Variants in EIF4G3 observed in about 807,000 individuals in gnomAD.
EIF4G3 encodes eIF-4-gamma 3.
EIF4G3 carries 34 observed loss-of-function variants against 186.4 expected under a neutral mutation model. That is an observed-to-expected ratio of 0.18 (90% CI 0.14 to 0.24). The LOEUF is 0.24. Ranked by LOEUF, EIF4G3 falls within the 10% of genes least tolerant of loss-of-function variation. The pLI is 1.00. For synonymous variants in EIF4G3, 673 were observed against 679.5 expected, an observed-to-expected ratio of 0.99 and a Z score of 0.15; for missense variants, 1,536 against 1,948.5, an observed-to-expected ratio of 0.79 and a Z score of 3.99.
chr1:21,136,127 G>C (rs949034421), intron 2 of EIF4G3, among the ~76,000 whole-genome samples: 1 of 152,062 alleles, frequency 6.6e-6, no homozygotes, highest in Non-Finnish European at 1.5e-5. Flanking sequence ...AGCTTGCAGT[G>C]AGCCGAGATT....
At chr1:21,120,936 T>C (rs979308687) in intron 2 of EIF4G3, among the ~76,000 whole-genome samples, 3 of 152,222 alleles carry the variant, frequency 2.0e-5, no homozygotes, top group Admixed American at 6.5e-5. Context: ...TGGGGTGTTT[T>C]TGAGACAAGG....
intron 35 of EIF4G3, among the ~76,000 whole-genome samples, chr1:20,811,383 G>C (rs2059214983): frequency 6.6e-6 from 1 of 152,160 alleles, no homozygotes; most frequent in South Asian, 2.1e-4. Flanking sequence ...AAAATGCTGG[G>C]ATTACAGGCA....
intron 12 of EIF4G3, among the ~76,000 whole-genome samples, chr1:20,966,650 T>C (rs542163966): frequency 6.6e-6 from 1 of 152,140 alleles, no homozygotes; most frequent in East Asian, 1.9e-4. Context: ...TTTTTTGTAC[T>C]TTTAGCAGAG....
At chr1:21,126,649 C>T (rs954860347) in intron 2 of EIF4G3, among the ~76,000 whole-genome samples, 3 of 151,530 alleles carry the variant, frequency 2.0e-5, no homozygotes, top group African/African-American at 7.3e-5. Context: ...ACCACAGAAT[C>T]AGACCCTTTA....
intron 18 of EIF4G3, among the ~76,000 whole-genome samples, chr1:20,887,264 A>T (rs1168987938): frequency 6.6e-6 from 1 of 151,732 alleles, no homozygotes; most frequent in Non-Finnish European, 1.5e-5. Flanking sequence ...GCTAGCCATT[A>T]GATTTCAAGA....
At chr1:21,113,428 A>G (rs1169697437) in intron 2 of EIF4G3, among the ~76,000 whole-genome samples, 2 of 152,006 alleles carry the variant, frequency 1.3e-5, no homozygotes, top group African/African-American at 4.8e-5. Flanking sequence ...CTGGTCTTAG[A>G]CCAGGAAAAA....
chr1:20,810,895 T>G lies in EIF4G3; in HGVS notation c.4598-11A>C. The G allele has an allele frequency of 6.2e-7, 1 of 1,606,140 alleles. No individual in the cohort carries two copies. The highest frequency in any genetic ancestry group is 8.5e-7 in the Non-Finnish European group (1 of 1,174,264). ...AGGTAGAAGAGTCGGCTAAAGGTGA[T>G]AGAAGAACTAGGAATTACATTTAAG... is the stretch of plus-strand genomic sequence containing the variant. On this transcript the variant is annotated splice_polypyrimidine_tract_variant and intron_variant, in intron 35 of 36. Coordinates refer to ENST00000602326, the MANE Select transcript of EIF4G3 (RefSeq NM_001391906.1). This position sits in a 1 kb window ranked among gnomAD's most constrained non-coding sequence, Gnocchi z 4.1.
At position 20,862,340 on chromosome 1, in the gene EIF4G3, A is replaced by G. The variant is rs749045320; in HGVS notation, c.3007-8T>C. The G allele has an allele frequency of 3.2e-6, 5 of 1,541,550 alleles. No individual in the cohort carries two copies. Among genetic ancestry groups the G allele is most frequent in the Non-Finnish European group, 3.5e-6 (4 of 1,129,824 alleles). On this transcript the variant is annotated splice_region_variant and splice_polypyrimidine_tract_variant and intron_variant, in intron 22 of 36. Coordinates refer to ENST00000602326, the MANE Select transcript of EIF4G3 (RefSeq NM_001391906.1). ...GTACTGGTCCATACGTGGCTGCAAG[A>G]GACAAAATCATTAGTACTCCTGTCT...
intron 2 of EIF4G3, among the ~76,000 whole-genome samples, chr1:21,126,717 A>C (rs2097053359): frequency 6.6e-6 from 1 of 152,130 alleles, no homozygotes; most frequent in African/African-American, 2.4e-5. Context: ...CAAGTATCAG[A>C]GAACACATTA....
chr1:20,984,581 CACA>C (rs1268307560), intron 7 of EIF4G3, among the ~76,000 whole-genome samples: 3 of 124,090 alleles, frequency 2.4e-5, no homozygotes, highest in African/African-American at 8.7e-5. Context: ...CACACACACA[CACA>C]TATATACACT....
intron 2 of EIF4G3, chr1:21,111,453 C>T (rs550115274): frequency 1.3e-5 from 6 of 454,142 alleles, no homozygotes; most frequent in Admixed American, 1.0e-4. Context: ...CATTATTATA[C>T]ATAGCTCTTC....
At chr1:20,897,959 T>A (rs1259620336) in intron 16 of EIF4G3, among the ~76,000 whole-genome samples, 1 of 152,036 alleles carries the variant, frequency 6.6e-6, no homozygotes, top group East Asian at 1.9e-4. Context: ...AAAATATAAT[T>A]TGCATAGTCT....
chr1:20,858,262 T>C (rs543853683), intron 24 of EIF4G3, among the ~76,000 whole-genome samples: 100 of 152,354 alleles, frequency 6.6e-4, no homozygotes, highest in African/African-American at 2.2e-3. Context: ...CTAAATAATC[T>C]GGCTCCTGCT....
Position 20,886,340 on chromosome 1 carries a change from G to C in EIF4G3, c.2285C>G (p.Pro762Arg), listed in dbSNP as rs1469097889. The change falls in exon 19 of 37, where the codon CCT becomes CGT. Residue 762 changes from proline to arginine, a missense_variant. Physicochemically the swap from Pro to Arg is moderately radical, Grantham distance 103. Around this residue, in one of 11 missense-constraint regions of EIF4G3, gnomAD observed 139 missense variants for 192.8 expected, o/e 0.72. Transcript: ENST00000602326. ...LLNVGSRRSQPGQRREPRKII... is the reference protein window; with the variant it reads ...LLNVGSRRSQRGQRREPRKII... ...CTTTCTGGGTTCTCTTCTTTGGCCA[G>C]GTTGAGATCTTCGTGACCCAACATT... 1.2e-6 allele frequency: 2 copies of C among 1,613,734 alleles called. No homozygotes were observed. Among genetic ancestry groups the C allele is most frequent in the Admixed American group, 3.3e-5 (2 of 59,956 alleles).
chr1:20,980,783 G>C (rs1224177608), intron 9 of EIF4G3, among the ~76,000 whole-genome samples: 1 of 152,140 alleles, frequency 6.6e-6, no homozygotes, highest in Admixed American at 6.5e-5. Context: ...GTCCATTTTA[G>C]AGCAGTTGGT....
intron 14 of EIF4G3, among the ~76,000 whole-genome samples, chr1:20,930,339 C>T (rs2095247065): frequency 6.6e-6 from 1 of 152,210 alleles, no homozygotes; most frequent in Non-Finnish European, 1.5e-5. Context: ...TATTTGATAG[C>T]ATTTTACCCA....
chr1:20,920,758 T>A (rs2094430241), intron 14 of EIF4G3, among the ~76,000 whole-genome samples: 1 of 152,122 alleles, frequency 6.6e-6, no homozygotes, highest in African/African-American at 2.4e-5. Context: ...TTTTTCCCCA[T>A]TAACCTCAGT....
chr1:21,073,231 T>C (rs2095493625), intron 3 of EIF4G3, among the ~76,000 whole-genome samples: 1 of 152,220 alleles, frequency 6.6e-6, no homozygotes, highest in Non-Finnish European at 1.5e-5. Context: ...ATACATCAGA[T>C]AAAACCCAAA....
chr1:21,101,587 A>C (rs1293578002), intron 2 of EIF4G3, among the ~76,000 whole-genome samples: 1 of 142,510 alleles, frequency 7.0e-6, no homozygotes, highest in African/African-American at 2.5e-5. Flanking sequence ...AACAAAAAAA[A>C]ACCGAGGGAG....
Sources: allele counts gnomAD v4.1 joint callset (sites outside exome capture counted in the v4.1 genomes callset), GRCh38; gene constraint gnomAD v4.1.1; regional missense constraint gnomAD v4.1.1; non-coding constraint Gnocchi (gnomAD v3.1); transcripts MANE v1.5; gene names NCBI Gene and HGNC (gene_info 2026-07-23, HGNC 2026-07-21).